Variants in ANKIB1 observed in about 807,000 individuals in gnomAD.
ANKIB1 encodes the protein ankyrin repeat and IBR domain-containing protein 1.
Under a neutral mutation model 122.1 loss-of-function variants are expected in ANKIB1, and 43 were observed. The observed-to-expected ratio is 0.35, with a 90% confidence interval of 0.28 to 0.45. The LOEUF (loss-of-function observed/expected upper bound fraction) is 0.45, where lower values mean the gene tolerates loss of function less well. Ranked by LOEUF, ANKIB1 falls within the 20% of genes least tolerant of loss-of-function variation. The probability of loss-of-function intolerance (pLI) is 1.00; values close to 1 mark genes in which losing one functional copy is unlikely to be tolerated. For synonymous variants in ANKIB1, 390 were observed against 442.0 expected (o/e 0.88, Z 1.48); for missense variants, 992 against 1,329.5 (o/e 0.75, Z 3.95).
At chr7:92,344,746 G>C (rs989716654) in intron 6 of ANKIB1, among the ~76,000 whole-genome samples, 1 of 151,916 alleles carries the variant, frequency 6.6e-6, no homozygotes, top group Non-Finnish European at 1.5e-5. Context: ...GGAATTTAAG[G>C]GTTTGATTTT....
At chr7:92,325,983 T>C in intron 4 of ANKIB1, 1 of 446,978 alleles carries the variant, frequency 2.2e-6, no homozygotes, top group South Asian at 1.6e-5. Context: ...TGGAAGCAGT[T>C]TATCTTTGCA....
intron 11 of ANKIB1, among the ~76,000 whole-genome samples, chr7:92,375,183 A>T (rs889678586): frequency 2.0e-5 from 3 of 152,214 alleles, no homozygotes; most frequent in Admixed American, 1.3e-4. Flanking sequence ...CTATTTGCTG[A>T]TGGAGAGCCT....
intron 5 of ANKIB1, among the ~76,000 whole-genome samples, chr7:92,328,985 T>TG (rs1026919337): frequency 2.0e-5 from 3 of 148,650 alleles, no homozygotes; most frequent in African/African-American, 5.0e-5. Flanking sequence ...TTTTTTTTTT[T>TG]GGGACAGAGT....
intron 11 of ANKIB1, among the ~76,000 whole-genome samples, chr7:92,379,817 C>T (rs1275623435): frequency 1.3e-5 from 2 of 152,182 alleles, no homozygotes; most frequent in Non-Finnish European, 2.9e-5. Context: ...CAGTCTGTAG[C>T]TCCAATGATC....
Position 92,352,616 on chromosome 7 carries a change from T to C in ANKIB1, c.1371T>C (p.Asp457=), listed in dbSNP as rs1803690732. The C allele has an allele frequency of 3.7e-6, 6 of 1,611,300 alleles. No individual in the cohort carries two copies. Among genetic ancestry groups the C allele is most frequent in the Non-Finnish European group, 5.1e-6 (6 of 1,179,334 alleles). ...SFPLLRAPAV[D]CGKGHLFCWE... ...CATTGCTGAGAGCTCCTGCTGTTGATTGTGGAAAAGGACACCTCTTCTGCT... is the reference window on the plus strand; with the variant it reads ...CATTGCTGAGAGCTCCTGCTGTTGACTGTGGAAAAGGACACCTCTTCTGCT... The change falls in exon 9 of 20, where the codon GAT becomes GAC. Residue 457 remains aspartate, a synonymous_variant. Transcript: ENST00000265742.
At chr7:92,353,978 A>G (rs1243603574) in intron 9 of ANKIB1, among the ~76,000 whole-genome samples, 1 of 152,238 alleles carries the variant, frequency 6.6e-6, no homozygotes, top group African/African-American at 2.4e-5. Flanking sequence ...TAGCTTTTGC[A>G]GAGATCAGAG....
At chr7:92,277,132 G>T (rs1293784077) in intron 1 of ANKIB1, among the ~76,000 whole-genome samples, 1 of 152,152 alleles carries the variant, frequency 6.6e-6, no homozygotes, top group Non-Finnish European at 1.5e-5. Flanking sequence ...GGCCTCTCCA[G>T]AAGTGGAGCA....
chr7:92,398,341 A>G lies in ANKIB1; in HGVS notation c.2662A>G (p.Ile888Val). 1 of 1,613,600 alleles carries G rather than the reference A, an allele frequency of 6.2e-7. No homozygotes were observed. The highest frequency in any genetic ancestry group is 8.5e-7 in the Non-Finnish European group (1 of 1,179,752). Residue 888 changes from isoleucine (I) to valine (V), a missense_variant, in exon 20 of 20, where the codon ATA (isoleucine) becomes GTA (valine). Ile to Val is a conservative substitution (Grantham distance 29). Around this residue, in one of 4 missense-constraint regions of ANKIB1, gnomAD observed 384 missense variants for 412.0 expected, o/e 0.93. Coordinates refer to ENST00000265742, the MANE Select transcript of ANKIB1 (RefSeq NM_019004.2). ...FLSNEASLGAIGTSLPSRLDS... is the reference protein window; with the variant it reads ...FLSNEASLGAVGTSLPSRLDS... ...CAGTAATGAAGCATCCTTAGGTGCG[A>G]TAGGCACTTCTTTACCTTCCAGGCT...
chr7:92,283,297 G>T (rs1014709651), intron 1 of ANKIB1, among the ~76,000 whole-genome samples: 1 of 152,078 alleles, frequency 6.6e-6, no homozygotes, highest in African/African-American at 2.4e-5. Context: ...TTGCTTTCTC[G>T]GTTAAAATAT....
intron 1 of ANKIB1, among the ~76,000 whole-genome samples, chr7:92,291,655 C>T (rs990205884): frequency 1.3e-5 from 2 of 149,302 alleles, no homozygotes; most frequent in Non-Finnish European, 3.0e-5. Context: ...CAGCTCGCTG[C>T]AAGCTCCACC....
chr7:92,352,683 T>C (rs1241006547), intron 9 of ANKIB1, 41 bp downstream of exon 9: 1 of 1,556,870 alleles, frequency 6.4e-7, no homozygotes, highest in African/African-American at 1.4e-5. Flanking sequence ...ATCACCTTTC[T>C]TTCCAATAGT....
rs371926155 is a variant in ANKIB1 at position 92,348,636 on chromosome 7, G to A, written c.1086-2314G>A. Among the ~76,000 whole-genome samples, 95 of 152,188 alleles carry A rather than the reference G, an allele frequency of 6.2e-4. 2 individuals are homozygous for A. The highest frequency in any genetic ancestry group is 2.6e-4 in the Non-Finnish European group (18 of 68,014). ...CCTGACCTTGTGATCCGCCTACCTC[G>A]GCCTCCCAAAGCGCTAGGATTATAG... On this transcript the variant is annotated intron_variant, in intron 7 of 19. Coordinates refer to ENST00000265742, the MANE Select transcript of ANKIB1 (RefSeq NM_019004.2).
chr7:92,336,691 T>A (rs1803296811), intron 5 of ANKIB1, among the ~76,000 whole-genome samples: 1 of 152,156 alleles, frequency 6.6e-6, no homozygotes, highest in Non-Finnish European at 1.5e-5. Flanking sequence ...GAATCTAATC[T>A]CAGGTTCTTA....
chr7:92,379,608 A>C (rs2115669193), intron 11 of ANKIB1, among the ~76,000 whole-genome samples: 1 of 152,344 alleles, frequency 6.6e-6, no homozygotes, highest in Middle Eastern at 3.4e-3. Context: ...TAAATGTGGC[A>C]TCTACAACCA....
At chr7:92,246,560 C>T (rs953688757) in intron 1 of ANKIB1, 41 bp downstream of exon 1, 2 of 513,514 alleles carry the variant, frequency 3.9e-6, no homozygotes, top group Non-Finnish European at 3.9e-6. Flanking sequence ...TTGAGGCTGC[C>T]TCTACCCATT....
intron 1 of ANKIB1, among the ~76,000 whole-genome samples, chr7:92,269,740 T>C (rs1362630478): frequency 2.6e-5 from 4 of 152,104 alleles, no homozygotes; most frequent in Non-Finnish European, 4.4e-5. Context: ...TCCCTATAAC[T>C]GAAAGTGTTC....
intron 5 of ANKIB1, among the ~76,000 whole-genome samples, chr7:92,333,800 A>C (rs542120947): frequency 1.3e-4 from 20 of 152,322 alleles, no homozygotes; most frequent in Admixed American, 1.2e-3. Flanking sequence ...AGAAAAGACT[A>C]AAATGTAGCA....
At chr7:92,345,492 T>C (rs1585118089) in intron 7 of ANKIB1, among the ~76,000 whole-genome samples, 1 of 152,234 alleles carries the variant, frequency 6.6e-6, no homozygotes, top group East Asian at 1.9e-4. Context: ...TTCTTTTTAG[T>C]GAATGCAGAG....
intron 1 of ANKIB1, among the ~76,000 whole-genome samples, chr7:92,290,832 T>C (rs1802230607): frequency 6.6e-6 from 1 of 151,962 alleles, no homozygotes; most frequent in African/African-American, 2.4e-5. Context: ...ATTGAAGCCA[T>C]GGAGATAGAA....
Sources: allele counts gnomAD v4.1 joint callset (sites outside exome capture counted in the v4.1 genomes callset), GRCh38; gene constraint gnomAD v4.1.1; regional missense constraint gnomAD v4.1.1; transcripts MANE v1.5; gene names NCBI Gene and HGNC (gene_info 2026-07-23, HGNC 2026-07-21).